GPC5: variants seen among roughly 807,000 people sequenced by gnomAD.
GPC5 encodes glypican 5.
In GPC5, 47 loss-of-function variants were observed where a neutral mutation model predicts 53.9. The observed-to-expected ratio is 0.87, with a 90% CI of 0.69 to 1.11. The LOEUF (loss-of-function observed/expected upper bound fraction) is 1.11, where lower values mean the gene tolerates loss of function less well. GPC5 is among the 50% of genes most tolerant of loss of function. GPC5 has a pLI of 0.00. For synonymous variants in GPC5, 286 were observed against 263.3 expected (o/e 1.09, Z -0.84); for missense variants, 748 against 713.1 (o/e 1.05, Z -0.56).
chr13:92,402,856 G>C (rs1056781319), intron 7 of GPC5, among the ~76,000 whole-genome samples: 3 of 152,116 alleles, frequency 2.0e-5, no homozygotes, highest in South Asian at 2.1e-4. Context: ...TGACTCATAG[G>C]GGGAACAGAA....
chr13:91,572,208 T>C lies in GPC5; in HGVS notation c.326-120979T>C, dbSNP rs1319086008. Among the ~76,000 whole-genome samples, 102 of 127,514 alleles carry C rather than the reference T, an allele frequency of 8.0e-4. 4 individuals are homozygous for C. The highest frequency in any genetic ancestry group is 2.1e-3 in the South Asian group (8 of 3,754). The allele number at this position is 127,514 out of a possible 152,430, so 83.7% of individuals were successfully genotyped here. A position where few individuals can be genotyped will look rare whatever the true frequency, so the allele number is the denominator to read the frequency against. On this transcript the variant is annotated intron_variant, in intron 2 of 7. Transcript: ENST00000377067. ...GTGTATACACACACATATGTATATA[T>C]ACGTGTATATATATACACATATGTA...
intron 2 of GPC5, among the ~76,000 whole-genome samples, chr13:91,578,861 C>T (rs144765172): frequency 6.6e-6 from 1 of 151,666 alleles, no homozygotes; most frequent in Non-Finnish European, 1.5e-5. Flanking sequence ...GCCTGGGTAA[C>T]ATTGTGAAAA....
At chr13:92,363,664 C>T (rs36078149) in intron 7 of GPC5, among the ~76,000 whole-genome samples, 1,532 of 151,776 alleles carry the variant, frequency 0.01, 31 homozygotes, top group Middle Eastern at 0.048. Flanking sequence ...ATACCCTAGA[C>T]AAAAGCTATT....
rs1348447331 is a variant in GPC5, at chr13:91,607,351, TA to T, written c.326-85835del. On this transcript the variant is annotated intron_variant, in intron 2 of 7. Coordinates refer to ENST00000377067, the MANE Select transcript of GPC5 (RefSeq NM_004466.6). ...AGAAGATTTGGGAATTTGATAAAAT[TA>T]TTTTTTTCCTCAAGCAAACTGAAGG... 2.6e-5 allele frequency among the ~76,000 whole-genome samples: 4 copies of T among 152,172 alleles called. No individual in the cohort carries two copies. In the South Asian group the frequency reaches 8.3e-4, roughly 31 times the overall value.
intron 6 of GPC5, among the ~76,000 whole-genome samples, chr13:91,941,139 A>G (rs2039922998): frequency 6.6e-6 from 1 of 151,878 alleles, no homozygotes; most frequent in African/African-American, 2.4e-5. Context: ...TGTCAGTGTT[A>G]TCAAAGATCA....
rs140696849 is a variant in GPC5 at position 92,516,201 on chromosome 13, A to G, written c.1562-350081A>G. On this transcript the variant is annotated intron_variant, in intron 7 of 7. Transcript: ENST00000377067. ...ATATACATTAATTATAATTTTTAAAATTATGCACTGAGTACTGTGGGAGAA... is the reference window on the plus strand; with the variant it reads ...ATATACATTAATTATAATTTTTAAAGTTATGCACTGAGTACTGTGGGAGAA... 5.8e-4 allele frequency among the ~76,000 whole-genome samples: 88 copies of G among 152,236 alleles called. 4 individuals carry two copies. The East Asian group carries it at 0.017, about 29-fold the overall frequency.
At chr13:92,556,316 C>T (rs181301192) in intron 7 of GPC5, among the ~76,000 whole-genome samples, 1 of 151,926 alleles carries the variant, frequency 6.6e-6, no homozygotes, top group Admixed American at 6.6e-5. Context: ...GGAGACTAAA[C>T]ATTTAGAAAT....
intron 6 of GPC5, among the ~76,000 whole-genome samples, chr13:92,107,681 A>G (rs762248955): frequency 3.3e-5 from 5 of 152,204 alleles, no homozygotes; most frequent in Non-Finnish European, 7.4e-5. Flanking sequence ...ATTAAAAAAC[A>G]GAAAATATAT....
intron 7 of GPC5, among the ~76,000 whole-genome samples, chr13:92,411,916 T>G (rs1485102300): frequency 6.6e-6 from 1 of 152,202 alleles, no homozygotes; most frequent in African/African-American, 2.4e-5. Flanking sequence ...GCGGTTTTAG[T>G]CATTAAACGT....
chr13:92,520,413 T>C (rs1880993638), intron 7 of GPC5, among the ~76,000 whole-genome samples: 1 of 151,972 alleles, frequency 6.6e-6, no homozygotes, highest in Non-Finnish European at 1.5e-5. Flanking sequence ...CAGAAGCACA[T>C]CAAAAAAGCT....
intron 2 of GPC5, among the ~76,000 whole-genome samples, chr13:91,574,410 A>C (rs2032056781): frequency 6.6e-6 from 1 of 152,184 alleles, no homozygotes; most frequent in African/African-American, 2.4e-5. Flanking sequence ...TACAAGTATC[A>C]GAATCAGATG....
At chr13:91,907,861 A>G (rs2039571098) in intron 5 of GPC5, 76 bp from the exon 6 acceptor site, 1 of 1,493,330 alleles carries the variant, frequency 6.7e-7, no homozygotes, top group East Asian at 2.4e-5. Context: ...TTCCGACCTC[A>G]AATATGTTCA....
chr13:91,579,258 C>G (rs950728028), intron 2 of GPC5, among the ~76,000 whole-genome samples: 1 of 152,152 alleles, frequency 6.6e-6, no homozygotes, highest in Admixed American at 6.5e-5. Context: ...CCCCTTTGGC[C>G]CGGCATGTCC....
chr13:92,030,226 G>A (rs2040830232), intron 6 of GPC5, among the ~76,000 whole-genome samples: 1 of 152,118 alleles, frequency 6.6e-6, no homozygotes, highest in Non-Finnish European at 1.5e-5. Flanking sequence ...TCTGTCCATA[G>A]CATAAGACCA....
intron 7 of GPC5, among the ~76,000 whole-genome samples, chr13:92,526,871 C>A (rs892922585): frequency 6.6e-6 from 1 of 151,454 alleles, no homozygotes; most frequent in African/African-American, 2.4e-5. Flanking sequence ...TAACCTTAAA[C>A]TGTTAGTTTG....
At chr13:91,587,717 CTCT>C (rs1479594245) in intron 2 of GPC5, among the ~76,000 whole-genome samples, 1 of 152,070 alleles carries the variant, frequency 6.6e-6, no homozygotes, top group Non-Finnish European at 1.5e-5. Context: ...TTTACGAATT[CTCT>C]TCTTCTAATG....
chr13:91,955,120 A>G (rs7319605), intron 6 of GPC5, among the ~76,000 whole-genome samples: 78,105 of 151,972 alleles, frequency 0.51, 20,566 homozygotes, highest in East Asian at 0.74. Flanking sequence ...TCCCTGGACT[A>G]GAAAACTCAA....
intron 4 of GPC5, among the ~76,000 whole-genome samples, chr13:91,736,070 A>G (rs2036807401): frequency 6.6e-6 from 1 of 151,430 alleles, no homozygotes; most frequent in African/African-American, 2.5e-5. Flanking sequence ...ATTAAATAAA[A>G]TCAGTATATA....
rs567287294 is a variant in GPC5, at chr13:92,645,381, A to C, written c.1562-220901A>C. Among the ~76,000 whole-genome samples the C allele has an allele frequency of 7.9e-5, 12 of 152,312 alleles. No individual in the cohort carries two copies. In the East Asian group the frequency reaches 2.1e-3, roughly 27 times the overall value. ...ACTGGTCTCGAACTCCTGACTGGGA[A>C]TCTTTAAATGAATTTTTGTCCTAGT... On this transcript the variant is annotated intron_variant, in intron 7 of 7. Transcript: ENST00000377067.
Sources: allele counts gnomAD v4.1 joint callset (sites outside exome capture counted in the v4.1 genomes callset), GRCh38; gene constraint gnomAD v4.1.1; transcripts MANE v1.5; gene names NCBI Gene and HGNC (gene_info 2026-07-23, HGNC 2026-07-21).